ARHGAP26: variants seen among roughly 807,000 people sequenced by gnomAD.
The protein encoded by ARHGAP26 is rho GTPase-activating protein 26.
A neutral mutation model predicts 104.8 loss-of-function variants in ARHGAP26; 38 were observed. That is an observed-to-expected ratio of 0.36 (90% CI 0.28 to 0.48). ARHGAP26 has a LOEUF of 0.48. Ranked by LOEUF, ARHGAP26 falls within the 20% of genes least tolerant of loss-of-function variation. ARHGAP26 has a pLI of 0.99. For missense variants in ARHGAP26, 704 were observed against 947.9 expected (o/e 0.74, Z 3.38); for synonymous variants, 341 against 340.0 (o/e 1.00, Z -0.03).
chr5:143,115,904 A>G (rs147247940), intron 17 of ARHGAP26, among the ~76,000 whole-genome samples: 16 of 152,340 alleles, frequency 1.1e-4, no homozygotes, highest in African/African-American at 3.8e-4. Flanking sequence ...ATTGGAGAGA[A>G]TATTTGCACT....
intron 20 of ARHGAP26, among the ~76,000 whole-genome samples, chr5:143,172,797 T>A (rs571140826): frequency 1.3e-5 from 2 of 152,334 alleles, no homozygotes; most frequent in South Asian, 4.1e-4. Context: ...CCCAGTTATC[T>A]TGGCCATGCT....
intron 1 of ARHGAP26, among the ~76,000 whole-genome samples, chr5:142,825,477 G>C (rs1047866416): frequency 6.6e-6 from 1 of 152,138 alleles, no homozygotes; most frequent in Non-Finnish European, 1.5e-5. Context: ...TCTCCTTCCC[G>C]TTGTCCAGCC....
intron 1 of ARHGAP26, among the ~76,000 whole-genome samples, chr5:142,864,948 T>C (rs896342598): frequency 2.0e-5 from 3 of 152,244 alleles, no homozygotes; most frequent in Non-Finnish European, 4.4e-5. Flanking sequence ...GTGTGTGTGA[T>C]ATTTGTACTT....
chr5:142,850,078 C>G (rs1751212625), intron 1 of ARHGAP26, among the ~76,000 whole-genome samples: 1 of 152,224 alleles, frequency 6.6e-6, no homozygotes, highest in Non-Finnish European at 1.5e-5. Flanking sequence ...GCTCTGCTGC[C>G]TCCTGCAGCC....
At chr5:142,805,166 A>G (rs1597698089) in intron 1 of ARHGAP26, among the ~76,000 whole-genome samples, 1 of 147,140 alleles carries the variant, frequency 6.8e-6, no homozygotes, top group Non-Finnish European at 1.5e-5. Flanking sequence ...GCAGTGGCGC[A>G]ATCTCGGCTC....
chr5:142,888,056 T>G (rs555933587), intron 5 of ARHGAP26, among the ~76,000 whole-genome samples: 32 of 152,322 alleles, frequency 2.1e-4, no homozygotes, highest in African/African-American at 7.0e-4. Context: ...ATAGCAACTA[T>G]AATATAGGGA....
intron 20 of ARHGAP26, among the ~76,000 whole-genome samples, chr5:143,174,085 A>G (rs1803147359): frequency 6.6e-6 from 1 of 152,208 alleles, no homozygotes; most frequent in Non-Finnish European, 1.5e-5. Context: ...GTATTTCTTA[A>G]AAGGAGGATG....
intron 11 of ARHGAP26, among the ~76,000 whole-genome samples, chr5:142,943,567 G>T (rs1000696127): frequency 1.3e-5 from 2 of 152,144 alleles, no homozygotes; most frequent in African/African-American, 4.8e-5. Flanking sequence ...CCTACTTTCT[G>T]TTATCATCAC....
At chr5:143,148,225 T>C (rs1799390792) in intron 20 of ARHGAP26, among the ~76,000 whole-genome samples, 1 of 152,210 alleles carries the variant, frequency 6.6e-6, no homozygotes. Context: ...AGCCACAGAC[T>C]GTCTTCAGGG....
At chr5:142,982,513 T>C (rs1228432445) in intron 11 of ARHGAP26, among the ~76,000 whole-genome samples, 2 of 152,172 alleles carry the variant, frequency 1.3e-5, no homozygotes, top group African/African-American at 4.8e-5. Context: ...GAACAGGAAT[T>C]ATACCATTGT....
At chr5:142,971,741 G>T (rs1356028765) in intron 11 of ARHGAP26, among the ~76,000 whole-genome samples, 1 of 152,184 alleles carries the variant, frequency 6.6e-6, no homozygotes, top group Admixed American at 6.5e-5. Context: ...AAAGCTTAAA[G>T]AGGCCATACC....
intron 21 of ARHGAP26, among the ~76,000 whole-genome samples, chr5:143,209,309 C>T (rs1485915495): frequency 6.6e-6 from 1 of 152,120 alleles, no homozygotes; most frequent in African/African-American, 2.4e-5. Context: ...ACTGTTTTTC[C>T]TTCCTACTTC....
intron 1 of ARHGAP26, among the ~76,000 whole-genome samples, chr5:142,817,994 G>A (rs745886149): frequency 9.2e-5 from 14 of 152,116 alleles, no homozygotes; most frequent in Non-Finnish European, 1.8e-4. Context: ...GTTATAGGGT[G>A]TCAGAACAGG....
rs1004230101 is a variant in ARHGAP26 at position 143,223,229 on chromosome 5, T to G, written c.*783T>G. 6 of 232,990 alleles carry G rather than the reference T, an allele frequency of 2.6e-5. No homozygotes were observed. The Admixed American group carries it at 3.4e-4, about 13-fold the overall frequency. The allele number at this position is 232,990 out of a possible 1,614,324, so 14.4% of individuals were successfully genotyped here. On this transcript the variant is annotated 3_prime_UTR_variant, in exon 23 of 23. Coordinates refer to ENST00000645722, the MANE Select transcript of ARHGAP26 (RefSeq NM_001135608.3). ...ACATCCTCTTTGCATGACACATTTT[T>G]TTTCTCCCCTTTTTGGTACACTTTT...
chr5:142,937,474 G>A (rs542095098), intron 11 of ARHGAP26, among the ~76,000 whole-genome samples: 2 of 152,358 alleles, frequency 1.3e-5, no homozygotes, highest in South Asian at 4.1e-4. Context: ...AGCCATGCTG[G>A]CAAGTCACTT....
At chr5:143,192,154 G>A (rs979937998) in intron 20 of ARHGAP26, among the ~76,000 whole-genome samples, 1 of 152,220 alleles carries the variant, frequency 6.6e-6, no homozygotes, top group African/African-American at 2.4e-5. Flanking sequence ...GTAGCATCAA[G>A]ACGGGAAGAA....
intron 1 of ARHGAP26, among the ~76,000 whole-genome samples, chr5:142,781,230 G>A (rs1757436389): frequency 6.6e-6 from 1 of 152,120 alleles, no homozygotes; most frequent in Admixed American, 6.5e-5. Context: ...CATGTGAAGG[G>A]TACCTCTGTT....
chr5:143,057,870 CT>C, intron 17 of ARHGAP26, 123 bp downstream of exon 17: 1 of 847,420 alleles, frequency 1.2e-6, no homozygotes, highest in Non-Finnish European at 2.0e-6. Flanking sequence ...ATGCTGGAGG[CT>C]TAGGAAAGAA....
At chr5:142,820,286 A>G (rs1466550890) in intron 1 of ARHGAP26, among the ~76,000 whole-genome samples, 2 of 152,136 alleles carry the variant, frequency 1.3e-5, no homozygotes, top group Non-Finnish European at 2.9e-5. Context: ...CGGTGGTTAA[A>G]ACTTTCTTGT....
Sources: gnomAD v4.1 joint callset for allele counts (sites outside exome capture counted in the v4.1 genomes callset) on GRCh38, gnomAD v4.1.1 for gene constraint, MANE v1.5 for transcripts, NCBI Gene and HGNC (gene_info 2026-07-23, HGNC 2026-07-21) for gene names.